WDR45: variants seen among roughly 807,000 people sequenced by gnomAD.
WDR45 encodes WD repeat domain phosphoinositide-interacting protein 4.
Under a neutral mutation model 27.3 loss-of-function variants are expected in WDR45, and 2 were observed. The observed-to-expected ratio is 0.07, with a 90% CI of 0.03 to 0.23. WDR45 has a LOEUF of 0.23. Among genes scored for constraint, WDR45 ranks in the 10% least tolerant of loss-of-function variants. The probability of loss-of-function intolerance (pLI) is 1.00; values close to 1 mark genes in which losing one functional copy is unlikely to be tolerated. For missense variants in WDR45, 175 were observed against 311.9 expected, an observed-to-expected ratio of 0.56 and a Z score of 3.31; for synonymous variants, 99 against 119.2, an observed-to-expected ratio of 0.83 and a Z score of 1.11.
At chrX:49,091,174 C>A (rs782343623) in intron 2 of WDR45, among the ~76,000 whole-genome samples, 15 of 110,850 alleles carry the variant, frequency 1.4e-4, no homozygotes, top group African/African-American at 4.9e-4. Context: ...GTCTTGGTGG[C>A]TCATGCTTGT....
chrX:49,100,013 C>T (rs782625615), intron 2 of WDR45, among the ~76,000 whole-genome samples: 1 of 109,645 alleles, frequency 9.1e-6, no homozygotes, highest in South Asian at 3.9e-4. Flanking sequence ...CCTCAGGGCT[C>T]AGGCTTCCTA....
At chrX:49,076,324 C>A in intron 6 of WDR45, 106 bp downstream of exon 6, 1 of 863,522 alleles carries the variant, frequency 1.2e-6, no homozygotes, top group South Asian at 2.2e-5. Flanking sequence ...TGCCTCTTTC[C>A]CCATTTCTCT....
In WDR45 at chrX:49,074,560, C is replaced by G. The variant is rs1386386879; in HGVS notation, c.*243G>C. ...CCCTCTGGGTCCCTGGCAATTTCCT[C>G]CAGGTTAGGGATCCCAAGGGGTCGC... On this transcript the variant is annotated 3_prime_UTR_variant, in exon 11 of 11. Coordinates refer to ENST00000376372, the MANE Select transcript of WDR45 (RefSeq NM_001029896.2). The G allele has an allele frequency of 1.0e-5, 4 of 397,679 alleles. No individual in the cohort carries two copies. Among genetic ancestry groups the G allele is most frequent in the Non-Finnish European group, 1.7e-5 (4 of 231,087 alleles). The allele number at this position is 397,679 out of a possible 1,213,427, so 32.8% of individuals were successfully genotyped here. A position where few individuals can be genotyped will look rare whatever the true frequency, so the allele number is the denominator to read the frequency against.
intron 1 of WDR45, 128 bp downstream of exon 1, chrX:49,079,621 ACT>A (rs1557084795): frequency 9.0e-6 from 1 of 111,676 alleles, no homozygotes; most frequent in Non-Finnish European, 1.9e-5. Flanking sequence ...CCATTCCAAG[ACT>A]CTGTCCGGGA....
chrX:49,086,597 CT>C (rs1289915066), intron 2 of WDR45, among the ~76,000 whole-genome samples: 19 of 107,549 alleles, frequency 1.8e-4, no homozygotes, highest in South Asian at 7.9e-4. Context: ...TGTCTTTTCT[CT>C]TTTTTTTTTC....
chrX:49,085,505 G>A (rs1258458582), intron 2 of WDR45, among the ~76,000 whole-genome samples: 5 of 112,320 alleles, frequency 4.5e-5, no homozygotes, highest in African/African-American at 1.3e-4. Context: ...AGATTGATAA[G>A]AATTAAAAAA....
chrX:49,083,316 GTTTTTTTTT>G (rs781995765), upstream of WDR45, among the ~76,000 whole-genome samples: 8 of 72,025 alleles, frequency 1.1e-4, no homozygotes, highest in African/African-American at 4.2e-4. Flanking sequence ...CCGGCCTCTC[GTTTTTTTTT>G]TTTTTTTTTT....
intron 2 of WDR45, among the ~76,000 whole-genome samples, chrX:49,094,197 G>A (rs1238824932): frequency 1.8e-5 from 2 of 111,065 alleles, no homozygotes; most frequent in Non-Finnish European, 3.8e-5. Flanking sequence ...GGTCAGGTGC[G>A]GTGGCTCACA....
At chrX:49,098,277 T>C (rs1225850275) in intron 2 of WDR45, among the ~76,000 whole-genome samples, 6 of 106,509 alleles carry the variant, frequency 5.6e-5, no homozygotes, top group Admixed American at 2.0e-4. Context: ...GGCGGATCAC[T>C]TGAGGTCAGG....
intron 1 of WDR45, among the ~76,000 whole-genome samples, chrX:49,078,518 T>C (rs2065050885): frequency 9.0e-6 from 1 of 111,424 alleles, no homozygotes; most frequent in Non-Finnish European, 1.9e-5. Flanking sequence ...CGAGACTCCG[T>C]CTCGGGGGGA....
chrX:49,077,969 G>T, intron 2 of WDR45, 58 bp from the exon 3 acceptor site: 1 of 1,204,295 alleles, frequency 8.3e-7, no homozygotes, highest in Admixed American at 2.2e-5. Context: ...GAAGCTGGGG[G>T]CCCATGGCCC....
At chrX:49,083,906 C>T (rs1467769210), upstream of WDR45, among the ~76,000 whole-genome samples, 4 of 93,833 alleles carry the variant, frequency 4.3e-5, no homozygotes, top group African/African-American at 1.6e-4. Flanking sequence ...GAGATTGCAC[C>T]ACTGCACTCC....
intron 7 of WDR45, 21 bp downstream of exon 7, chrX:49,075,845 C>A: frequency 8.3e-7 from 1 of 1,208,479 alleles, no homozygotes; most frequent in East Asian, 3.0e-5. Context: ...CCTACCCACC[C>A]TTGTCCACTG....
At chrX:49,091,786 G>A (rs1323860705) in intron 2 of WDR45, among the ~76,000 whole-genome samples, 88 of 52,614 alleles carry the variant, frequency 1.7e-3, no homozygotes, top group African/African-American at 2.3e-3. Context: ...AAAAAAAAAA[G>A]AAGGAATTTA....
At chrX:49,090,746 T>C (rs945635057) in intron 2 of WDR45, among the ~76,000 whole-genome samples, 13 of 109,678 alleles carry the variant, frequency 1.2e-4, no homozygotes, top group Non-Finnish European at 1.3e-4. Flanking sequence ...CCACATTGGC[T>C]AGGCTGGTGT....
chrX:49,086,080 C>T (rs1026336068), intron 2 of WDR45, among the ~76,000 whole-genome samples: 1 of 111,528 alleles, frequency 9.0e-6, no homozygotes, highest in South Asian at 3.8e-4. Flanking sequence ...AATTACTCTG[C>T]TCAGACCCAG....
intron 2 of WDR45, among the ~76,000 whole-genome samples, chrX:49,099,226 A>G (rs1280141746): frequency 9.1e-6 from 1 of 110,026 alleles, no homozygotes; most frequent in African/African-American, 3.3e-5. Flanking sequence ...CGGGAAGCTG[A>G]GGCAGGAGAA....
At chrX:49,091,964 A>ACAAAAAATTAGCCAG (rs2065108394) in intron 2 of WDR45, among the ~76,000 whole-genome samples, 2 of 104,535 alleles carry the variant, frequency 1.9e-5, no homozygotes, top group African/African-American at 6.9e-5. Context: ...CCCCGTCTCT[A>ACAAAAAATTAGCCAG]CAAAAAATTA....
intron 2 of WDR45, among the ~76,000 whole-genome samples, chrX:49,098,610 A>G (rs2065134561): frequency 9.0e-6 from 1 of 110,603 alleles, no homozygotes; most frequent in Admixed American, 9.7e-5. Context: ...GAAATTTGAG[A>G]CCAGCAGGGC....
Sources: gnomAD v4.1 joint callset for allele counts (sites outside exome capture counted in the v4.1 genomes callset) on GRCh38, gnomAD v4.1.1 for gene constraint, MANE v1.5 for transcripts, NCBI Gene and HGNC (gene_info 2026-07-23, HGNC 2026-07-21) for gene names.